Variants in EVA1A observed in about 807,000 individuals in gnomAD.
The protein encoded by EVA1A is protein eva-1 homolog A.
Under a neutral mutation model 9.8 loss-of-function variants are expected in EVA1A, and 7 were observed. That is an observed-to-expected ratio of 0.71 (90% confidence interval 0.41 to 1.34). EVA1A has a LOEUF of 1.34. Ranked by LOEUF, EVA1A falls within the 40% of genes most tolerant of loss-of-function variation. EVA1A has a pLI of 0.01. For missense variants in EVA1A, 206 were observed against 205.9 expected (o/e 1.00, Z 0.00); for synonymous variants, 90 against 85.6 (o/e 1.05, Z -0.28).
chr2:75,508,688 A>C (rs990464364), intron 3 of EVA1A, among the ~76,000 whole-genome samples: 3 of 151,926 alleles, frequency 2.0e-5, no homozygotes, highest in African/African-American at 4.8e-5. Flanking sequence ...ACCTATTTGC[A>C]CACTCCCTCC....
chr2:75,543,141 G>A (rs1676196284), intron 1 of EVA1A, among the ~76,000 whole-genome samples: 1 of 152,154 alleles, frequency 6.6e-6, no homozygotes, highest in East Asian at 1.9e-4. Flanking sequence ...CACGATACAT[G>A]CGCTTGAATA....
At position 75,549,558 on chromosome 2, in the gene EVA1A, C is replaced by T. The variant is rs1166719702; in HGVS notation, c.-192+11122G>A. Among the ~76,000 whole-genome samples the T allele has an allele frequency of 5.9e-5, 9 of 152,160 alleles. No individual in the cohort carries two copies. The South Asian group carries it at 6.2e-4, about 10-fold the overall frequency. On this transcript the variant is annotated intron_variant, in intron 1 of 3. Transcript: ENST00000393913. The stretch of plus-strand genomic sequence containing the variant: ...GCTGGGAGGAGAGTGGGGAGGGGTC[C>T]GGCAGGGATGATCCTTCCTTGCCTC...
intron 1 of EVA1A, among the ~76,000 whole-genome samples, chr2:75,545,497 C>T (rs1201665785): frequency 6.6e-6 from 1 of 152,128 alleles, no homozygotes; most frequent in Non-Finnish European, 1.5e-5. Context: ...AGATGATGGT[C>T]TTTGGGTAGC....
intron 3 of EVA1A, among the ~76,000 whole-genome samples, chr2:75,511,645 T>C (rs1674815215): frequency 6.6e-6 from 1 of 152,120 alleles, no homozygotes; most frequent in African/African-American, 2.4e-5. Flanking sequence ...AGCCTGATGA[T>C]GGGTCAAGTT....
chr2:75,554,816 A>C (rs2103979185), intron 1 of EVA1A, among the ~76,000 whole-genome samples: 1 of 152,310 alleles, frequency 6.6e-6, no homozygotes, highest in Middle Eastern at 3.4e-3. Flanking sequence ...CCCAGAAGAG[A>C]GGATTCTTCT....
At chr2:75,551,830 C>G (rs948381613) in intron 1 of EVA1A, among the ~76,000 whole-genome samples, 73 of 152,324 alleles carry the variant, frequency 4.8e-4, no homozygotes, top group Admixed American at 1.4e-3. Context: ...TCTTCCCATA[C>G]TCCATAACCC....
intron 1 of EVA1A, among the ~76,000 whole-genome samples, chr2:75,526,867 G>A (rs1675462864): frequency 6.6e-6 from 1 of 152,234 alleles, no homozygotes; most frequent in Non-Finnish European, 1.5e-5. Context: ...CTTGTAGGAA[G>A]AAAACACTGG....
rs1676331035 is a variant in EVA1A, at chr2:75,546,425, ATGAAGATGAGAGAACAC to A, written c.-192+14238_-192+14254del. On this transcript the variant is annotated intron_variant, in intron 1 of 3. Transcript: ENST00000393913. ...AGAGGCTGGGGGGAAAATGCAGTGAATGAAGATGAGAGAACACTGTCAAATGCAAAGGCTAAGGAGTT... is the reference window on the plus strand; with the variant it reads ...AGAGGCTGGGGGGAAAATGCAGTGAATGTCAAATGCAAAGGCTAAGGAGTT... Among the ~76,000 whole-genome samples, 7 of 152,268 alleles carry A rather than the reference ATGAAGATGAGAGAACAC, an allele frequency of 4.6e-5. No homozygotes were observed. The South Asian group carries it at 1.5e-3, about 32-fold the overall frequency.
At chr2:75,509,386 A>G (rs11899170) in intron 3 of EVA1A, among the ~76,000 whole-genome samples, 10,231 of 152,230 alleles carry the variant, frequency 0.067, 469 homozygotes, top group Middle Eastern at 0.16. Context: ...TTACTTTCAA[A>G]TATTTGCTGT....
At chr2:75,494,395 T>C (rs892732907) in intron 3 of EVA1A, among the ~76,000 whole-genome samples, 4 of 152,112 alleles carry the variant, frequency 2.6e-5, no homozygotes, top group African/African-American at 9.7e-5. Context: ...GCAAAAGCAA[T>C]GGGTGATTCT....
chr2:75,532,182 A>AAAAAAAAAAAAAAAAAAT (rs1675686370), intron 1 of EVA1A, among the ~76,000 whole-genome samples: 1 of 138,222 alleles, frequency 7.2e-6, no homozygotes, highest in Non-Finnish European at 1.5e-5. Context: ...AAAAAAAAAA[A>AAAAAAAAAAAAAAAAAAT]AAAAAAGCTT....
intron 1 of EVA1A, among the ~76,000 whole-genome samples, chr2:75,553,176 A>G (rs1187817132): frequency 1.3e-5 from 2 of 152,080 alleles, no homozygotes; most frequent in Non-Finnish European, 2.9e-5. Context: ...TTCTCCTCTC[A>G]TCAGCCTGGA....
rs111921703 is a variant in EVA1A, at chr2:75,544,464, A to G, written c.-192+16216T>C. Among the ~76,000 whole-genome samples the G allele has an allele frequency of 4.4e-3, 670 of 152,336 alleles. 4 individuals carry two copies. Among genetic ancestry groups the G allele is most frequent in the African/African-American group, 0.015 (634 of 41,562 alleles). Reference sequence around the variant, plus strand: ...TGTTAGACTGATCAAGACCAACAGTAATGCAGGGCCATTCTATTACTGCTT... The same window carrying G: ...TGTTAGACTGATCAAGACCAACAGTGATGCAGGGCCATTCTATTACTGCTT... On this transcript the variant is annotated intron_variant, in intron 1 of 3. Transcript: ENST00000393913.
chr2:75,529,054 T>A (rs1359831704), intron 1 of EVA1A, among the ~76,000 whole-genome samples: 1 of 152,180 alleles, frequency 6.6e-6, no homozygotes, highest in Non-Finnish European at 1.5e-5. Context: ...CAGAATCCAC[T>A]TCACTCTACT....
intron 1 of EVA1A, among the ~76,000 whole-genome samples, chr2:75,557,724 A>G (rs1211295353): frequency 6.6e-6 from 1 of 152,222 alleles, no homozygotes; most frequent in Admixed American, 6.5e-5. Context: ...GACTATGTAC[A>G]TAGGCTCAAT....
At chr2:75,561,098 C>G (rs1676908452), upstream of EVA1A, among the ~76,000 whole-genome samples, 1 of 152,126 alleles carries the variant, frequency 6.6e-6, no homozygotes, top group Non-Finnish European at 1.5e-5. Context: ...TGCGGCACCT[C>G]CCTCCGCGCC....
chr2:75,493,442 C>CGCTGTCGCT lies in EVA1A; in HGVS notation c.244_252dup (p.Ser82_Ser84dup), dbSNP rs148155576. On this transcript the variant is annotated inframe_insertion, in exon 4 of 4. Coordinates refer to ENST00000393913, the MANE Select transcript of EVA1A (RefSeq NM_001135032.2). ...GACACGGTGTCCTCACTGCCATCCTCGCTGTCGCTGCTGTCGCTGCTGCTC... is the reference window on the plus strand; with the variant it reads ...GACACGGTGTCCTCACTGCCATCCTCGCTGTCGCTGCTGTCGCTGCTGTCGCTGCTGCTC... 3.4e-5 allele frequency: 55 copies of CGCTGTCGCT among 1,614,096 alleles called. No homozygotes were observed. The highest frequency in any genetic ancestry group is 8.9e-5 in the East Asian group (4 of 44,890).
intron 3 of EVA1A, among the ~76,000 whole-genome samples, chr2:75,514,852 GT>G (rs1674949511): frequency 6.6e-6 from 1 of 152,108 alleles, no homozygotes. Flanking sequence ...TAGCGTATGT[GT>G]TTTTAAGGGC....
At chr2:75,528,546 T>C (rs1338017609) in intron 1 of EVA1A, among the ~76,000 whole-genome samples, 1 of 152,136 alleles carries the variant, frequency 6.6e-6, no homozygotes, top group Non-Finnish European at 1.5e-5. Flanking sequence ...GAAGCAGCCA[T>C]AATCCCCTTT....
Sources: allele counts gnomAD v4.1 joint callset (sites outside exome capture counted in the v4.1 genomes callset), GRCh38; gene constraint gnomAD v4.1.1; transcripts MANE v1.5; gene names NCBI Gene and HGNC (gene_info 2026-07-23, HGNC 2026-07-21).